VEZT: variants seen among roughly 807,000 people sequenced by gnomAD.
VEZT encodes vezatin.
VEZT carries 39 observed loss-of-function variants against 79.9 expected under a neutral mutation model. The ratio of observed to expected loss-of-function variants is 0.49; its 90% CI spans 0.38 to 0.64. The LOEUF (loss-of-function observed/expected upper bound fraction) is 0.64, where lower values mean the gene tolerates loss of function less well. VEZT is among the 30% of genes least tolerant of loss of function. VEZT has a pLI of 0.00. For missense variants in VEZT, 837 were observed against 893.1 expected, an observed-to-expected ratio of 0.94 and a Z score of 0.80; for synonymous variants, 325 against 327.6, an observed-to-expected ratio of 0.99 and a Z score of 0.09.
intron 10 of VEZT, among the ~76,000 whole-genome samples, chr12:95,294,983 T>C (rs1164673860): frequency 6.6e-6 from 1 of 152,188 alleles, no homozygotes; most frequent in Non-Finnish European, 1.5e-5. Context: ...TGAATGATGC[T>C]AGGGTAAACA....
chr12:95,248,930 A>G (rs2137688639), intron 1 of VEZT, among the ~76,000 whole-genome samples: 1 of 152,202 alleles, frequency 6.6e-6, no homozygotes, highest in East Asian at 1.9e-4. Flanking sequence ...CGTGACCCGT[A>G]CCCCCATTTT....
At chr12:95,280,073 G>A (rs531538757) in intron 7 of VEZT, among the ~76,000 whole-genome samples, 4 of 152,144 alleles carry the variant, frequency 2.6e-5, no homozygotes, top group East Asian at 1.9e-4. Context: ...ACTAACCACC[G>A]TGGTCTCATT....
chr12:95,268,504 A>C (rs2065973351), intron 5 of VEZT, among the ~76,000 whole-genome samples: 2 of 151,610 alleles, frequency 1.3e-5, no homozygotes, highest in East Asian at 1.9e-4. Context: ...TTTCAAAAAC[A>C]AAAAAAAAGT....
rs2061344847 is a variant in VEZT at position 95,243,684 on chromosome 12, C to T, written c.37-8256C>T. ...ATGTTGAAATTTAATTGCCATGCTACGATGTTGGGAGGTAGAACCTTTAAG... is the reference window on the plus strand; with the variant it reads ...ATGTTGAAATTTAATTGCCATGCTATGATGTTGGGAGGTAGAACCTTTAAG... On this transcript the variant is annotated intron_variant, in intron 1 of 11. Coordinates refer to ENST00000436874, the MANE Select transcript of VEZT (RefSeq NM_017599.4). Among the ~76,000 whole-genome samples the T allele has an allele frequency of 5.9e-5, 9 of 152,244 alleles. 1 individual carries two copies. The South Asian group carries it at 1.7e-3, about 28-fold the overall frequency.
At chr12:95,284,530 T>A (rs1292501712) in intron 8 of VEZT, among the ~76,000 whole-genome samples, 1 of 152,234 alleles carries the variant, frequency 6.6e-6, no homozygotes, top group Non-Finnish European at 1.5e-5. Context: ...TTCGGAGTCA[T>A]AGCAGCTCAA....
Position 95,300,189 on chromosome 12 carries a change from T to C in VEZT, c.1856T>C (p.Val619Ala). Reference sequence around the variant, plus strand: ...GCCGTGTTGAAATCCTTGTCTCCTGTAGACCCAGTGGAACCCATAAGTAAT... The same window carrying C: ...GCCGTGTTGAAATCCTTGTCTCCTGCAGACCCAGTGGAACCCATAAGTAAT... ...DHAVLKSLSP[V>A]DPVEPISNSE... Residue 619 changes from valine (V) to alanine (A), a missense_variant, in exon 12 of 12, where the codon GTA becomes GCA. By Grantham distance (64) the Val-to-Ala change is moderately conservative. Transcript: ENST00000436874. 1.3e-6 allele frequency: 2 copies of C among 1,541,290 alleles called. No individual in the cohort carries two copies. The highest frequency in any genetic ancestry group is 1.2e-5 in the South Asian group (1 of 81,462).
chr12:95,251,497 G>A (rs1255823471), intron 1 of VEZT, among the ~76,000 whole-genome samples: 2 of 152,178 alleles, frequency 1.3e-5, no homozygotes, highest in African/African-American at 4.8e-5. Flanking sequence ...GGAATATGAT[G>A]AGATGATAAA....
At chr12:95,264,053 A>C (rs2065045030) in intron 4 of VEZT, among the ~76,000 whole-genome samples, 1 of 152,238 alleles carries the variant, frequency 6.6e-6, no homozygotes, top group Admixed American at 6.5e-5. Context: ...ATGAATCAAG[A>C]AGTACACTAA....
At chr12:95,234,072 A>T (rs1470310140) in intron 1 of VEZT, among the ~76,000 whole-genome samples, 1 of 152,176 alleles carries the variant, frequency 6.6e-6, no homozygotes, top group Non-Finnish European at 1.5e-5. Flanking sequence ...AATAGGTAAA[A>T]ATTGTGTCTT....
chr12:95,295,657 T>C (rs943046210), intron 10 of VEZT, among the ~76,000 whole-genome samples: 6 of 152,104 alleles, frequency 3.9e-5, no homozygotes, highest in African/African-American at 1.4e-4. Flanking sequence ...TGTTCAAACT[T>C]CCTGGGAAAT....
At chr12:95,238,250 T>C (rs1459701623) in intron 1 of VEZT, among the ~76,000 whole-genome samples, 1 of 152,190 alleles carries the variant, frequency 6.6e-6, no homozygotes, top group Non-Finnish European at 1.5e-5. Context: ...TCTTTATGAC[T>C]CAGTTTCCTC....
intron 1 of VEZT, among the ~76,000 whole-genome samples, chr12:95,238,740 A>C (rs976984226): frequency 5.3e-5 from 8 of 152,196 alleles, no homozygotes; most frequent in Non-Finnish European, 7.3e-5. Context: ...CAAATCAGAA[A>C]TCTTAATCTT....
chr12:95,258,166 G>T, intron 3 of VEZT: 2 of 438,602 alleles, frequency 4.6e-6, no homozygotes, highest in Non-Finnish European at 9.1e-6. Context: ...CTTTGTTCAG[G>T]GTTTCATCTT....
chr12:95,271,375 T>A (rs1016293198), intron 6 of VEZT, among the ~76,000 whole-genome samples: 1 of 152,202 alleles, frequency 6.6e-6, no homozygotes, highest in African/African-American at 2.4e-5. Context: ...CTTTTGAATG[T>A]GATCAATAGA....
At chr12:95,263,221 A>G (rs931528466) in intron 4 of VEZT, 140 bp downstream of exon 4, 77 of 829,742 alleles carry the variant, frequency 9.3e-5, no homozygotes, top group East Asian at 3.8e-4. Context: ...ATATGGGGGG[A>G]AAAAGTGCCT....
At chr12:95,239,176 T>G (rs2060563784) in intron 1 of VEZT, among the ~76,000 whole-genome samples, 1 of 152,214 alleles carries the variant, frequency 6.6e-6, no homozygotes, top group South Asian at 2.1e-4. Context: ...ATTTTATATC[T>G]TTTTGTATTT....
chr12:95,275,247 T>A (rs573037524), intron 7 of VEZT, among the ~76,000 whole-genome samples: 1 of 152,296 alleles, frequency 6.6e-6, no homozygotes, highest in East Asian at 1.9e-4. Flanking sequence ...ATTCTTAAGT[T>A]TTTTTTTCAT....
At chr12:95,220,125 A>C (rs1458598963) in intron 1 of VEZT, among the ~76,000 whole-genome samples, 2 of 152,188 alleles carry the variant, frequency 1.3e-5, no homozygotes, top group South Asian at 4.1e-4. Flanking sequence ...ATATTTTCAC[A>C]TGTTGAGCAC....
intron 9 of VEZT, 147 bp downstream of exon 9, chr12:95,288,004 G>A (rs2071434732): frequency 1.7e-6 from 1 of 584,634 alleles, no homozygotes. Flanking sequence ...GAATTTATAT[G>A]TACAAAGTGA....
Sources: allele counts gnomAD v4.1 joint callset (sites outside exome capture counted in the v4.1 genomes callset), GRCh38; gene constraint gnomAD v4.1.1; transcripts MANE v1.5; gene names NCBI Gene and HGNC (gene_info 2026-07-23, HGNC 2026-07-21).